EFCAB10: variants seen among roughly 807,000 people sequenced by gnomAD.
EFCAB10 encodes EF-hand calcium-binding domain-containing protein 10.
Under a neutral mutation model 7.7 loss-of-function variants are expected in EFCAB10, and 7 were observed. The observed-to-expected ratio is 0.91, with a 90% CI of 0.52 to 1.72. EFCAB10 has a LOEUF of 1.72. Ranked by LOEUF, EFCAB10 falls within the 40% of genes most tolerant of loss-of-function variation. The pLI is 0.00. For synonymous variants in EFCAB10, 52 were observed against 21.0 expected (o/e 2.47, Z -4.03); for missense variants, 112 against 61.5 (o/e 1.82, Z -2.74).
intron 4 of EFCAB10, chr7:105,567,093 T>G (rs1375999016): frequency 5.6e-6 from 8 of 1,430,532 alleles, no homozygotes; most frequent in Non-Finnish European, 7.4e-6. Context: ...GAGATCTCAT[T>G]TCCCTCCTTT....
intron 1 of EFCAB10, among the ~76,000 whole-genome samples, chr7:105,570,696 C>G (rs976999708): frequency 1.2e-4 from 18 of 152,068 alleles, no homozygotes; most frequent in Non-Finnish European, 2.2e-4. Flanking sequence ...TAGGCATGAG[C>G]CACCATGCTT....
intron 4 of EFCAB10, 139 bp from the exon 5 acceptor site, chr7:105,565,586 G>C: frequency 1.2e-6 from 2 of 1,613,954 alleles, no homozygotes; most frequent in Non-Finnish European, 1.7e-6. Context: ...AGTTTGATAT[G>C]ACTCGGAATC....
At chr7:105,581,207 G>A (rs774242445) in intron 1 of EFCAB10, 151 bp downstream of exon 1, 21 of 598,040 alleles carry the variant, frequency 3.5e-5, no homozygotes, top group Non-Finnish European at 6.0e-5. Context: ...GCAGCCTGAG[G>A]GACTTTTATT....
intron 1 of EFCAB10, chr7:105,571,811 A>C (rs73192152): frequency 0.15 from 20,210 of 133,546 alleles, 1,743 homozygotes; most frequent in South Asian, 0.29. Flanking sequence ...GCTCCTTTTG[A>C]CTTTTTTGTT....
At chr7:105,573,251 AAAT>A (rs1398214135) in intron 1 of EFCAB10, 1 of 152,234 alleles carries the variant, frequency 6.6e-6, no homozygotes, top group East Asian at 1.9e-4. Flanking sequence ...CTCTAGCAAT[AAAT>A]AGGCTACTAA....
Position 105,565,270 on chromosome 7 carries a change from T to C in EFCAB10, c.*177A>G. ...AAAATTTTTTGGTAAAAATGTGTTT[T>C]TTCCAGATGGTTGTCCTTGCCATCT... On this transcript the variant is annotated 3_prime_UTR_variant, in exon 5 of 5. Coordinates refer to ENST00000480514, the MANE Select transcript of EFCAB10 (RefSeq NM_001355526.2). The C allele has an allele frequency of 6.4e-7, 1 of 1,561,828 alleles. No individual in the cohort carries two copies. The highest frequency in any genetic ancestry group is 8.7e-7 in the Non-Finnish European group (1 of 1,155,478).
At position 105,567,289 on chromosome 7, in the gene EFCAB10, AT is replaced by A. The variant is rs763845178; in HGVS notation, c.383+177del. ...GAGATTCTACTTAATTTGAGGACAAATTGGCCTAATACTGGAAAATAATGTC... is the reference window on the plus strand; with the variant it reads ...GAGATTCTACTTAATTTGAGGACAAATGGCCTAATACTGGAAAATAATGTC... On this transcript the variant is annotated intron_variant, in intron 4 of 4. Coordinates refer to ENST00000480514, the MANE Select transcript of EFCAB10 (RefSeq NM_001355526.2). 6 of 1,605,988 alleles carry A rather than the reference AT, an allele frequency of 3.7e-6. No individual in the cohort carries two copies. The highest frequency in any genetic ancestry group is 2.5e-6 in the Non-Finnish European group (3 of 1,177,278).
At chr7:105,565,488 G>T in intron 4 of EFCAB10, 41 bp from the exon 5 acceptor site, 1 of 1,610,718 alleles carries the variant, frequency 6.2e-7, no homozygotes, top group Non-Finnish European at 8.5e-7. Context: ...TTTGGGCTGT[G>T]ATAATAAAGA....
chr7:105,581,040 C>G (rs550595044), intron 1 of EFCAB10, among the ~76,000 whole-genome samples: 1 of 152,074 alleles, frequency 6.6e-6, no homozygotes, highest in African/African-American at 2.4e-5. Flanking sequence ...ACCAACATGA[C>G]GAAACCCTGT....
At chr7:105,581,254 C>A in intron 1 of EFCAB10, 104 bp downstream of exon 1, 1 of 651,662 alleles carries the variant, frequency 1.5e-6, no homozygotes, top group East Asian at 2.7e-5. Flanking sequence ...GAAGGGCTCA[C>A]GTGGCTGGGA....
chr7:105,567,998 GAACAA>G (rs764573434), intron 3 of EFCAB10, among the ~76,000 whole-genome samples: 6 of 152,094 alleles, frequency 3.9e-5, no homozygotes, highest in Non-Finnish European at 7.4e-5. Flanking sequence ...TGTCTCTAAA[GAACAA>G]AACAAAACAC....
chr7:105,572,767 G>A (rs1422516875), intron 1 of EFCAB10: 1 of 152,240 alleles, frequency 6.6e-6, no homozygotes, highest in Non-Finnish European at 1.5e-5. Context: ...GGACCCAAGT[G>A]ATCCTCCTGC....
chr7:105,580,345 T>C (rs1364628267), intron 1 of EFCAB10, among the ~76,000 whole-genome samples: 4 of 152,210 alleles, frequency 2.6e-5, no homozygotes, highest in African/African-American at 9.6e-5. Context: ...TAATTTTTTG[T>C]ATTTGTAGCA....
chr7:105,578,529 G>C (rs575753403), intron 1 of EFCAB10, among the ~76,000 whole-genome samples: 3 of 152,032 alleles, frequency 2.0e-5, no homozygotes, highest in Admixed American at 2.0e-4. Flanking sequence ...AAAGTACCTA[G>C]AGCACAAACA....
intron 1 of EFCAB10, among the ~76,000 whole-genome samples, chr7:105,578,401 A>C (rs1182651947): frequency 6.6e-6 from 1 of 152,244 alleles, no homozygotes; most frequent in East Asian, 1.9e-4. Context: ...AGTAAATTAG[A>C]AAATCAAGCC....
At chr7:105,578,104 C>G (rs983849229) in intron 1 of EFCAB10, among the ~76,000 whole-genome samples, 3 of 152,126 alleles carry the variant, frequency 2.0e-5, no homozygotes, top group Non-Finnish European at 4.4e-5. Context: ...GTTTAAGATA[C>G]CCGTATTCAG....
At chr7:105,570,586 TTAAG>T (rs1791924119) in intron 1 of EFCAB10, among the ~76,000 whole-genome samples, 1 of 151,986 alleles carries the variant, frequency 6.6e-6, no homozygotes, top group South Asian at 2.1e-4. Context: ...ATTTTTTTTT[TTAAG>T]TTAGAGACAG....
chr7:105,574,762 C>T (rs963887104), intron 1 of EFCAB10, among the ~76,000 whole-genome samples: 4 of 151,656 alleles, frequency 2.6e-5, no homozygotes, highest in African/African-American at 7.3e-5. Context: ...GGTTTACAAG[C>T]GTGAGCCACT....
At position 105,575,069 on chromosome 7, in the gene EFCAB10, C is replaced by T. The variant is rs1162379235; in HGVS notation, c.107-5498G>A. The stretch of plus-strand genomic sequence containing the variant: ...GGTGGGGGTTGCGGTGAGCCAAGAT[C>T]GTGCCATTGCACTCCAGCCTGGGCA... On this transcript the variant is annotated intron_variant, in intron 1 of 4. Transcript: ENST00000480514. Among the ~76,000 whole-genome samples, 7 of 149,714 alleles carry T rather than the reference C, an allele frequency of 4.7e-5. No individual in the cohort carries two copies. In the East Asian group the frequency reaches 6.0e-4, roughly 13 times the overall value.
Sources: allele counts gnomAD v4.1 joint callset (sites outside exome capture counted in the v4.1 genomes callset), GRCh38; gene constraint gnomAD v4.1.1; transcripts MANE v1.5; gene names NCBI Gene and HGNC (gene_info 2026-07-23, HGNC 2026-07-21).